Variants in LRRC37A2 observed in about 807,000 individuals in gnomAD.
The protein encoded by LRRC37A2 is leucine rich repeat containing 37 member A2.
In LRRC37A2, 9 loss-of-function variants were observed where a neutral mutation model predicts 68.8. The observed-to-expected ratio is 0.13, with a 90% CI of 0.08 to 0.23. LRRC37A2 has a LOEUF of 0.23. Ranked by LOEUF, LRRC37A2 falls within the 10% of genes least tolerant of loss-of-function variation. The pLI is 1.00. For synonymous variants in LRRC37A2, 63 were observed against 367.6 expected, an observed-to-expected ratio of 0.17 and a Z score of 9.48; for missense variants, 168 against 950.4, an observed-to-expected ratio of 0.18 and a Z score of 10.82.
At chr17:46,853,136 C>T in the LRRC37A2 span, among the ~76,000 whole-genome samples, 63 of 152,088 alleles carry the variant, frequency 4.1e-4, 1 homozygote, top group East Asian at 1.9e-4. Context: ...GTTGTTCCCT[C>T]GGCAGGCAGG....
the LRRC37A2 span, among the ~76,000 whole-genome samples, chr17:47,037,220 G>A: frequency 6.6e-6 from 1 of 151,786 alleles, no homozygotes; most frequent in Non-Finnish European, 1.5e-5. Flanking sequence ...AACCCAGGAG[G>A]TGGAGGTTGC....
chr17:46,769,118 A>G, the LRRC37A2 span, among the ~76,000 whole-genome samples: 1 of 152,130 alleles, frequency 6.6e-6, no homozygotes, highest in Admixed American at 6.5e-5. Flanking sequence ...GGAGTTTGAG[A>G]CCAGCCTGGC....
At chr17:46,767,370 T>C in the LRRC37A2 span, among the ~76,000 whole-genome samples, 1 of 152,190 alleles carries the variant, frequency 6.6e-6, no homozygotes, top group African/African-American at 2.4e-5. Context: ...TGTCAGGATA[T>C]GGGCTTATAT....
the LRRC37A2 span, among the ~76,000 whole-genome samples, chr17:46,977,080 C>T: frequency 2.6e-5 from 4 of 152,166 alleles, no homozygotes; most frequent in South Asian, 2.1e-4. Flanking sequence ...CACAGGAGCA[C>T]TTGGGAGCCA....
the LRRC37A2 span, chr17:46,936,551 C>G: frequency 2.0e-6 from 2 of 985,598 alleles, no homozygotes; most frequent in Non-Finnish European, 2.4e-6. Context: ...GATTTTCCAC[C>G]TACACCATTC....
the LRRC37A2 span, among the ~76,000 whole-genome samples, chr17:46,866,564 T>C: frequency 6.6e-6 from 1 of 152,088 alleles, no homozygotes; most frequent in African/African-American, 2.4e-5. Flanking sequence ...GCACTCACCA[T>C]GCAAATGGCC....
At chr17:46,851,918 C>T in the LRRC37A2 span, among the ~76,000 whole-genome samples, 2 of 152,202 alleles carry the variant, frequency 1.3e-5, no homozygotes, top group Non-Finnish European at 2.9e-5. The surrounding 1 kb of genome is among the most constrained non-coding windows in gnomAD (Gnocchi z 4.3). Context: ...GCTCCGAATC[C>T]ATCGCCCTGT....
the LRRC37A2 span, among the ~76,000 whole-genome samples, chr17:46,865,136 C>T: frequency 2.0e-5 from 3 of 152,154 alleles, no homozygotes; most frequent in Non-Finnish European, 2.9e-5. Context: ...GGCTTCAGCC[C>T]GAGCCTGAGT....
the LRRC37A2 span, among the ~76,000 whole-genome samples, chr17:46,774,185 GA>G: frequency 6.6e-6 from 1 of 152,258 alleles, no homozygotes; most frequent in Non-Finnish European, 1.5e-5. Flanking sequence ...GCAAAGCCAT[GA>G]AAAGAGGTTT....
At chr17:46,757,693 T>C in the LRRC37A2 span, among the ~76,000 whole-genome samples, 3 of 148,398 alleles carry the variant, frequency 2.0e-5, no homozygotes, top group East Asian at 7.0e-4. Context: ...TTTATACTTA[T>C]TTTATCTTAC....
chr17:46,714,425 G>A, the LRRC37A2 span, among the ~76,000 whole-genome samples: 1 of 152,210 alleles, frequency 6.6e-6, no homozygotes, highest in African/African-American at 2.4e-5. Context: ...CAAAAGGATA[G>A]TTTTATATTA....
At chr17:46,914,426 A>C in the LRRC37A2 span, among the ~76,000 whole-genome samples, 1 of 152,012 alleles carries the variant, frequency 6.6e-6, no homozygotes, top group African/African-American at 2.4e-5. Flanking sequence ...AGGCAAGTGG[A>C]TCACCTGAGG....
At chr17:46,936,903 T>A in the LRRC37A2 span, 1 of 708,140 alleles carries the variant, frequency 1.4e-6, no homozygotes, top group South Asian at 6.4e-5. Flanking sequence ...TTCCTGTCCA[T>A]GATGCCTAAT....
chr17:46,609,886 C>T, the LRRC37A2 span, among the ~76,000 whole-genome samples: 4 of 140,026 alleles, frequency 2.9e-5, no homozygotes, highest in East Asian at 1.9e-4. Context: ...AATGCAGTGG[C>T]GTGATCAGGG....
chr17:46,863,989 C>T, the LRRC37A2 span, among the ~76,000 whole-genome samples: 2 of 152,202 alleles, frequency 1.3e-5, no homozygotes, highest in Non-Finnish European at 2.9e-5. Context: ...GTGGAATCTG[C>T]AGCATGGGAC....
chr17:46,986,612 C>A, the LRRC37A2 span, among the ~76,000 whole-genome samples: 29 of 152,178 alleles, frequency 1.9e-4, no homozygotes, highest in Non-Finnish European at 3.8e-4. Context: ...TAGCAAGATG[C>A]CAACTCCTAA....
chr17:46,858,935 G>C, the LRRC37A2 span, among the ~76,000 whole-genome samples: 9 of 151,796 alleles, frequency 5.9e-5, no homozygotes, highest in African/African-American at 2.2e-4. Context: ...TCAAACTGCT[G>C]GGATTATTGG....
the LRRC37A2 span, among the ~76,000 whole-genome samples, chr17:46,806,882 T>C: frequency 4.6e-5 from 7 of 152,216 alleles, no homozygotes; most frequent in Admixed American, 3.9e-4. Context: ...GCCCTCACGA[T>C]GGCTGCTGGG....
At chr17:46,924,740 G>T in the LRRC37A2 span, among the ~76,000 whole-genome samples, 1 of 152,252 alleles carries the variant, frequency 6.6e-6, no homozygotes, top group Non-Finnish European at 1.5e-5. Flanking sequence ...TCACATAAAC[G>T]TTATAGGAAG....
Sources: allele counts gnomAD v4.1 joint callset (sites outside exome capture counted in the v4.1 genomes callset), GRCh38; gene constraint gnomAD v4.1.1; non-coding constraint Gnocchi (gnomAD v3.1); transcripts MANE v1.5; gene names NCBI Gene and HGNC (gene_info 2026-07-23, HGNC 2026-07-21).